Variants in CAVIN1 observed in about 807,000 individuals in gnomAD.
CAVIN1 encodes the protein caveolae associated protein 1.
In CAVIN1, 16 loss-of-function variants were observed where a neutral mutation model predicts 24.0. The observed-to-expected ratio is 0.67, with a 90% CI of 0.45 to 1.01. CAVIN1 has a LOEUF of 1.01. Among genes scored for constraint, CAVIN1 ranks in the 50% least tolerant of loss-of-function variants. CAVIN1 has a pLI of 0.00. For missense variants in CAVIN1, 510 were observed against 551.7 expected (o/e 0.92, Z 0.76); for synonymous variants, 256 against 256.4 (o/e 1.00, Z 0.02).
chr17:42,422,777 C>T lies in CAVIN1; in HGVS notation c.321G>A (p.Val107=), dbSNP rs577856337. The change falls in exon 1 of 2, where the codon GTG becomes GTA. Residue 107 remains valine (V), a synonymous_variant. Transcript: ENST00000357037. ...TGCGCACCTTCTCCAGCAGCTTGCT[C>T]ACCGTATTGCTCGTGGTGGCGTGCG... ...GKAHATTSNT[V]SKLLEKVRKV... 6 of 1,613,590 alleles carry T rather than the reference C, an allele frequency of 3.7e-6. No individual in the cohort carries two copies. The East Asian group carries it at 1.1e-4, about 30-fold the overall frequency.
intron 1 of CAVIN1, among the ~76,000 whole-genome samples, chr17:42,414,595 C>T (rs985715981): frequency 1.2e-4 from 18 of 152,156 alleles, no homozygotes; most frequent in African/African-American, 3.4e-4. Flanking sequence ...TGGACCTCTG[C>T]GGCAGCCCCC....
chr17:42,404,609 C>T lies in CAVIN1; in HGVS notation c.*78G>A. ...TGTTTTCAATTTAGAAAAATCTCAG[C>T]CAGCTCGAGCCGAGAGAGAATGCGA... On this transcript the variant is annotated 3_prime_UTR_variant, in exon 2 of 2. Transcript: ENST00000357037. 1 of 1,017,106 alleles carries T rather than the reference C, an allele frequency of 9.8e-7. No homozygotes were observed. The allele number at this position is 1,017,106 out of a possible 1,614,324, so 63.0% of individuals were successfully genotyped here. A position where few individuals can be genotyped will look rare whatever the true frequency, so the allele number is the denominator to read the frequency against.
chr17:42,403,025 G>T lies in CAVIN1; in HGVS notation c.*1662C>A, dbSNP rs2145469224. On this transcript the variant is annotated 3_prime_UTR_variant, in exon 2 of 2. Coordinates refer to ENST00000357037, the MANE Select transcript of CAVIN1 (RefSeq NM_012232.6). ...GCACCCCAAGGACAAGGAAACCAAT[G>T]AGGTCTGGGCTAGCTCTGCAGCTTT... The T allele has an allele frequency of 6.6e-6, 1 of 152,650 alleles. No individual in the cohort carries two copies. The highest frequency in any genetic ancestry group is 2.1e-4 in the South Asian group (1 of 4,834). The allele number at this position is 152,650 out of a possible 1,614,324, so 9.5% of individuals were successfully genotyped here.
intron 1 of CAVIN1, among the ~76,000 whole-genome samples, chr17:42,416,632 C>CCAGGGATAGCA (rs1038769664): frequency 6.0e-5 from 9 of 150,700 alleles, no homozygotes; most frequent in Non-Finnish European, 1.3e-4. Context: ...AGGGAGGAAC[C>CCAGGGATAGCA]CAGGGATAGC....
intron 1 of CAVIN1, among the ~76,000 whole-genome samples, chr17:42,419,326 A>T (rs1007786473): frequency 5.9e-5 from 9 of 151,506 alleles, no homozygotes; most frequent in South Asian, 2.1e-4. Flanking sequence ...TATTATTATT[A>T]TTTTTGAGAT....
chr17:42,421,034 T>C (rs962858244), intron 1 of CAVIN1, among the ~76,000 whole-genome samples: 1 of 152,096 alleles, frequency 6.6e-6, no homozygotes, highest in Non-Finnish European at 1.5e-5. Context: ...TGGAAATAGC[T>C]CTGGGCAAAC....
Position 42,423,157 on chromosome 17 carries a change from G to T in CAVIN1, c.-60C>A. 1 of 1,333,440 alleles carries T rather than the reference G, an allele frequency of 7.5e-7. No individual in the cohort carries two copies. The highest frequency in any genetic ancestry group is 1.0e-6 in the Non-Finnish European group (1 of 981,682). 82.6% of individuals were successfully genotyped at this position (1,333,440 alleles called of 1,614,324 possible). ...GGCTGGAGCTGGAGCGGGAGACCCG[G>T]AGAGAAGCAGGAGCGGAAGGGAGGA... On this transcript the variant is annotated 5_prime_UTR_variant, in exon 1 of 2. Transcript: ENST00000357037.
Position 42,422,736 on chromosome 17 carries a change from A to G in CAVIN1, c.362T>C (p.Val121Ala), listed in dbSNP as rs759755120. 1 of 1,611,226 alleles carries G rather than the reference A, an allele frequency of 6.2e-7. No individual in the cohort carries two copies. Among genetic ancestry groups the G allele is most frequent in the East Asian group, 2.2e-5 (1 of 44,778 alleles). The part of the protein sequence containing the change: ...LEKVRKVSVN[V>A]KTVRGSLERQ... ...CTCCAGGCTGCCGCGCACGGTCTTC[A>G]CGTTGACGCTGACCTTGCGCACCTT... Residue 121 changes from valine to alanine, a missense_variant, in exon 1 of 2, where the codon GTG becomes GCG. Coordinates refer to ENST00000357037, the MANE Select transcript of CAVIN1 (RefSeq NM_012232.6).
At chr17:42,416,396 A>G (rs368346113) in intron 1 of CAVIN1, among the ~76,000 whole-genome samples, 6 of 142,908 alleles carry the variant, frequency 4.2e-5, no homozygotes, top group African/African-American at 1.5e-4. Flanking sequence ...GAGAGAGAGA[A>G]AAGAAGAAAA....
At chr17:42,413,560 AAAAGGG>A (rs1392088861) in intron 1 of CAVIN1, among the ~76,000 whole-genome samples, 1 of 59,996 alleles carries the variant, frequency 1.7e-5, no homozygotes. Flanking sequence ...GTCTGTCTCA[AAAAGGG>A]AAAAAAAAAA....
Position 42,423,038 on chromosome 17 carries a change from C to A in CAVIN1, c.60G>T (p.Glu20Asp). The A allele has an allele frequency of 6.2e-7, 1 of 1,610,984 alleles. No individual in the cohort carries two copies. The highest frequency in any genetic ancestry group is 1.7e-5 in the Admixed American group (1 of 59,716). Residue 20 changes from glutamate to aspartate, a missense_variant, in exon 1 of 2, where the codon GAG becomes GAT. By Grantham distance (45) the Glu-to-Asp change is conservative. Coordinates refer to ENST00000357037, the MANE Select transcript of CAVIN1 (RefSeq NM_012232.6). ...CCCCAGCGGAGGAAGGCTCCGGGGC[C>A]TCGGCGTCGGGGTACCCGGGAAGCG... ...ERPLPGYPDAEAPEPSSAGAQ... is the reference protein window; with the variant it reads ...ERPLPGYPDADAPEPSSAGAQ...
rs1332123531 is a variant in CAVIN1 at position 42,404,314 on chromosome 17, C to G, written c.*373G>C. On this transcript the variant is annotated 3_prime_UTR_variant, in exon 2 of 2. Transcript: ENST00000357037. ...GGATCAGGGTGAGAATGAAGAAGAG[C>G]TCAGTGAGCGGAATGACAGCAGCTG... 5.5e-6 allele frequency: 1 copy of G among 182,612 alleles called. No homozygotes were observed. The highest frequency in any genetic ancestry group is 2.4e-5 in the African/African-American group (1 of 42,276). The allele number at this position is 182,612 out of a possible 1,614,324, so 11.3% of individuals were successfully genotyped here.
At position 42,404,642 on chromosome 17, in the gene CAVIN1, A is replaced by G; in HGVS notation, c.*45T>C. 2 of 1,271,964 alleles carry G rather than the reference A, an allele frequency of 1.6e-6. No individual in the cohort carries two copies. Among genetic ancestry groups the G allele is most frequent in the Non-Finnish European group, 2.1e-6 (2 of 970,094 alleles). 78.8% of individuals were successfully genotyped at this position (1,271,964 alleles called of 1,614,324 possible). ...AGCCGAGAGAGAATGCGAAAGAGGA[A>G]GTTCGGAAGGAGCGAGGAATGGGGT... is the stretch of plus-strand genomic sequence containing the variant. On this transcript the variant is annotated 3_prime_UTR_variant, in exon 2 of 2. Coordinates refer to ENST00000357037, the MANE Select transcript of CAVIN1 (RefSeq NM_012232.6).
At position 42,422,674 on chromosome 17, in the gene CAVIN1, C is replaced by G; in HGVS notation, c.424G>C (p.Glu142Gln). The change falls in exon 1 of 2, where the codon GAG (glutamate) becomes CAG (glutamine). Residue 142 changes from glutamate to glutamine, a missense_variant. Coordinates refer to ENST00000357037, the MANE Select transcript of CAVIN1 (RefSeq NM_012232.6). ...AGQIKKLEVNEAELLRRRNFK... is the reference protein window; with the variant it reads ...AGQIKKLEVNQAELLRRRNFK... ...TTGCGGCGCCGCAGCAGCTCGGCCT[C>G]GTTGACCTCCAGCTTCTTGATCTGC... 1 of 1,604,546 alleles carries G rather than the reference C, an allele frequency of 6.2e-7. No individual in the cohort carries two copies. The highest frequency in any genetic ancestry group is 1.1e-5 in the South Asian group (1 of 89,606).
Position 42,423,221 on chromosome 17 carries a change from GC to G in CAVIN1, c.-125del. On this transcript the variant is annotated 5_prime_UTR_variant, in exon 1 of 2. Transcript: ENST00000357037. ...AGAGCGGAGAGCAGAGGAAACTCGA[GC>G]CACGTCCGTGCGCACCGGGACAGCG... 1 of 793,324 alleles carries G rather than the reference GC, an allele frequency of 1.3e-6. No individual in the cohort carries two copies. The highest frequency in any genetic ancestry group is 2.0e-6 in the Non-Finnish European group (1 of 509,428). The allele number at this position is 793,324 out of a possible 1,614,324, so 49.1% of individuals were successfully genotyped here.
At chr17:42,417,144 AACCGTG>A (rs2085516841) in intron 1 of CAVIN1, among the ~76,000 whole-genome samples, 1 of 152,146 alleles carries the variant, frequency 6.6e-6, no homozygotes, top group African/African-American at 2.4e-5. Context: ...CGGCATACAC[AACCGTG>A]GTCCCATAAG....
At chr17:42,421,353 G>T (rs2085543945) in intron 1 of CAVIN1, among the ~76,000 whole-genome samples, 1 of 152,170 alleles carries the variant, frequency 6.6e-6, no homozygotes. Flanking sequence ...AGTCAGCAGA[G>T]CCACAACTCC....
At chr17:42,410,259 A>G (rs1168326378) in intron 1 of CAVIN1, among the ~76,000 whole-genome samples, 1 of 152,066 alleles carries the variant, frequency 6.6e-6, no homozygotes, top group African/African-American at 2.4e-5. Flanking sequence ...GCTGGAGGAG[A>G]CTGGAGAGGT....
rs1567782043 is a variant in CAVIN1 at position 42,422,615 on chromosome 17, C to CTG, written c.471+10_471+11dup. On this transcript the variant is annotated intron_variant, in intron 1 of 1. Coordinates refer to ENST00000357037, the MANE Select transcript of CAVIN1 (RefSeq NM_012232.6). ...GCGGGAGCTCTGGGCGCCTTCCGCCCTGTGGGCTCACCTGGTAGATCATGA... is the reference window on the plus strand; with the variant it reads ...GCGGGAGCTCTGGGCGCCTTCCGCCCTGTGTGGGCTCACCTGGTAGATCATGA... 2 of 1,557,080 alleles carry CTG rather than the reference C, an allele frequency of 1.3e-6. No individual in the cohort carries two copies. Among genetic ancestry groups the CTG allele is most frequent in the South Asian group, 2.4e-5 (2 of 84,884 alleles).
Sources: gnomAD v4.1 joint callset for allele counts (sites outside exome capture counted in the v4.1 genomes callset) on GRCh38, gnomAD v4.1.1 for gene constraint, MANE v1.5 for transcripts, NCBI Gene and HGNC (gene_info 2026-07-23, HGNC 2026-07-21) for gene names.